Variants in ERCC5 observed in about 807,000 individuals in gnomAD.
ERCC5 encodes ERCC excision repair 5, endonuclease, also known as DNA excision repair protein ERCC-5.
In ERCC5, 68 loss-of-function variants were observed where a neutral mutation model predicts 105.6. The ratio of observed to expected loss-of-function variants is 0.64; its 90% CI spans 0.53 to 0.79. The LOEUF is 0.79. Among genes scored for constraint, ERCC5 ranks in the 30% least tolerant of loss-of-function variants. ERCC5 has a pLI of 0.00. For missense variants in ERCC5, 1,373 were observed against 1,426.7 expected (o/e 0.96, Z 0.61); for synonymous variants, 546 against 526.2 (o/e 1.04, Z -0.51).
chr13:102,856,676 T>C (rs1013515435), intron 5 of ERCC5, among the ~76,000 whole-genome samples: 2 of 152,234 alleles, frequency 1.3e-5, no homozygotes, highest in African/African-American at 2.4e-5. Context: ...CTCTGGGGTC[T>C]CTTGTGTAGA....
At chr13:102,874,313 C>G (rs1471605047) in intron 14 of ERCC5, among the ~76,000 whole-genome samples, 2 of 152,154 alleles carry the variant, frequency 1.3e-5, no homozygotes, top group Admixed American at 6.5e-5. Context: ...TTATTTGTGG[C>G]CATACTAAAT....
intron 14 of ERCC5, among the ~76,000 whole-genome samples, chr13:102,874,529 A>G (rs572768975): frequency 4.7e-5 from 7 of 150,434 alleles, no homozygotes; most frequent in Non-Finnish European, 1.0e-4. Flanking sequence ...TTACCCATAT[A>G]TTTTTTTTTT....
Position 102,865,250 on chromosome 13 carries a change from G to C in ERCC5, c.1955-417G>C, listed in dbSNP as rs766119305. 1.2e-5 allele frequency: 3 copies of C among 242,134 alleles called. No homozygotes were observed. The highest frequency in any genetic ancestry group is 2.4e-5 in the Non-Finnish European group (3 of 122,814). 15.0% of individuals were successfully genotyped at this position (242,134 alleles called of 1,614,324 possible). A position where few individuals can be genotyped will look rare whatever the true frequency, so the allele number is the denominator to read the frequency against. ...GAGAGGAGAGAAGGGAAGTGGAAGA[G>C]GAAGAACTATTTCTTAGTCACAGCT... On this transcript the variant is annotated intron_variant, in intron 8 of 14. Transcript: ENST00000652225. The surrounding 1 kb of genome is among the most constrained non-coding windows in gnomAD (Gnocchi z 4.0).
At position 102,852,187 on chromosome 13, in the gene ERCC5, C is replaced by T. The variant is rs2140517307; in HGVS notation, c.158C>T (p.Pro53Leu). 6 of 1,614,040 alleles carry T rather than the reference C, an allele frequency of 3.7e-6. No individual in the cohort carries two copies. Among genetic ancestry groups the T allele is most frequent in the Non-Finnish European group, 5.1e-6 (6 of 1,180,000 alleles). The change falls in exon 2 of 15, where the codon CCT (proline) becomes CTT (leucine). Residue 53 changes from proline to leucine, a missense_variant. Physicochemically the swap from Pro to Leu is moderately conservative, Grantham distance 98. Around this residue, in one of 3 missense-constraint regions of ERCC5, gnomAD observed 1,004 missense variants for 1,059.7 expected, o/e 0.95. Transcript: ENST00000652225. ...RDRHGNSIEN[P>L]HLLTLFHRLC... The stretch of plus-strand genomic sequence containing the variant: ...CGCCATGGGAACTCAATAGAAAATC[C>T]TCATCTTCTCACTTTGTTTCATCGG...
chr13:102,871,938 G>A (rs1883047356), intron 12 of ERCC5, among the ~76,000 whole-genome samples: 1 of 152,112 alleles, frequency 6.6e-6, no homozygotes. Context: ...TGAGGTGAGG[G>A]TAACGATAGG....
chr13:102,875,861 A>G lies in ERCC5; in HGVS notation c.3519A>G (p.Arg1173=), dbSNP rs367643555. Reference sequence around the variant, plus strand: ...CCAGATCTGTGTTTGGGAAGAAAAGAAGGAAACTAAGACGTGCGAGGGGAA... The same window carrying G: ...CCAGATCTGTGTTTGGGAAGAAAAGGAGGAAACTAAGACGTGCGAGGGGAA... ...VTARSVFGKK[R]RKLRRARGRK... is the part of the protein sequence containing the mutation. The change falls in exon 15 of 15, where the codon AGA becomes AGG. Residue 1173 remains arginine (R), a synonymous_variant. Transcript: ENST00000652225. 8.7e-6 allele frequency: 14 copies of G among 1,611,998 alleles called. No individual in the cohort carries two copies. Among genetic ancestry groups the G allele is most frequent in the Non-Finnish European group, 1.2e-5 (14 of 1,180,018 alleles).
At position 102,875,166 on chromosome 13, in the gene ERCC5, C is replaced by G. The variant is rs758235260; in HGVS notation, c.2965-141C>G. ...CTGTCAGTAATTCACTGGGAGAGAA[C>G]TGGGTTTTGGGAGATAATGAATTAA... On this transcript the variant is annotated intron_variant, in intron 14 of 14. Coordinates refer to ENST00000652225, the MANE Select transcript of ERCC5 (RefSeq NM_000123.4). 5 of 937,832 alleles carry G rather than the reference C, an allele frequency of 5.3e-6. No individual in the cohort carries two copies. In the African/African-American group the frequency reaches 8.3e-5, roughly 16 times the overall value. The allele number at this position is 937,832 out of a possible 1,614,324, so 58.1% of individuals were successfully genotyped here.
intron 1 of ERCC5, among the ~76,000 whole-genome samples, chr13:102,846,932 A>G (rs1266106386): frequency 6.6e-6 from 1 of 151,956 alleles, no homozygotes; most frequent in Non-Finnish European, 1.5e-5. Context: ...TCATCTGCAA[A>G]GTAGAGGTGG....
chr13:102,860,224 A>G (rs1210938038), intron 6 of ERCC5, among the ~76,000 whole-genome samples: 1 of 152,222 alleles, frequency 6.6e-6, no homozygotes, highest in Non-Finnish European at 1.5e-5. Context: ...CTTTAAATGA[A>G]AAGGTGAAAG....
chr13:102,848,221 T>C (rs1450990679), intron 1 of ERCC5, among the ~76,000 whole-genome samples: 2 of 152,246 alleles, frequency 1.3e-5, no homozygotes, highest in Non-Finnish European at 2.9e-5. Flanking sequence ...GTATATCTGA[T>C]TACTTGTTCT....
chr13:102,871,939 T>C (rs905494794), intron 12 of ERCC5, among the ~76,000 whole-genome samples: 4 of 152,142 alleles, frequency 2.6e-5, no homozygotes, highest in Non-Finnish European at 5.9e-5. Context: ...GAGGTGAGGG[T>C]AACGATAGGG....
intron 5 of ERCC5, among the ~76,000 whole-genome samples, 167 bp from the exon 6 acceptor site, chr13:102,858,108 G>A (rs1882491663): frequency 6.6e-6 from 1 of 152,036 alleles, no homozygotes. Context: ...TCCCTAATTT[G>A]CCTACTCACT....
At chr13:102,864,063 A>G (rs1293859827) in intron 8 of ERCC5, among the ~76,000 whole-genome samples, 1 of 150,704 alleles carries the variant, frequency 6.6e-6, no homozygotes, top group Non-Finnish European at 1.5e-5. Context: ...ATGACTCGGT[A>G]TTGGCTAATT....
chr13:102,849,524 T>A, intron 1 of ERCC5: 1 of 454,834 alleles, frequency 2.2e-6, no homozygotes, highest in Non-Finnish European at 4.4e-6. Flanking sequence ...TAGCTTGCTT[T>A]CCACTAGGTA....
At chr13:102,849,131 C>G in intron 1 of ERCC5, 1 of 518,906 alleles carries the variant, frequency 1.9e-6, no homozygotes, top group South Asian at 1.4e-5. Context: ...ATACTTGTAG[C>G]AAGCAGAAAC....
At chr13:102,858,765 T>A (rs1882516582) in intron 6 of ERCC5, 3 of 410,220 alleles carry the variant, frequency 7.3e-6, no homozygotes, top group Non-Finnish European at 1.4e-5. Flanking sequence ...TTTCACATGG[T>A]ATGTGTCCAG....
chr13:102,846,818 G>T (rs1355308585), intron 1 of ERCC5, among the ~76,000 whole-genome samples: 2 of 152,114 alleles, frequency 1.3e-5, no homozygotes, highest in Non-Finnish European at 2.9e-5. Context: ...GTGATGAGGC[G>T]GGCCGCCCTG....
At chr13:102,860,682 T>C (rs947863917) in intron 6 of ERCC5, among the ~76,000 whole-genome samples, 1 of 152,210 alleles carries the variant, frequency 6.6e-6, no homozygotes, top group Non-Finnish European at 1.5e-5. Context: ...ATTTATAAAA[T>C]GGAGGTGATA....
chr13:102,871,348 G>T (rs1883027338), intron 12 of ERCC5, among the ~76,000 whole-genome samples: 1 of 152,212 alleles, frequency 6.6e-6, no homozygotes, highest in African/African-American at 2.4e-5. Flanking sequence ...GAGGGTCCAA[G>T]AGTGTGTCGC....
Sources: gnomAD v4.1 joint callset for allele counts (sites outside exome capture counted in the v4.1 genomes callset) on GRCh38, gnomAD v4.1.1 for gene constraint, gnomAD v4.1.1 regional missense constraint, Gnocchi (gnomAD v3.1) non-coding constraint, MANE v1.5 for transcripts, NCBI Gene and HGNC (gene_info 2026-07-23, HGNC 2026-07-21) for gene names.